RAB10: variants seen among roughly 807,000 people sequenced by gnomAD.
RAB10 encodes ras-related protein Rab-10.
Under a neutral mutation model 25.7 loss-of-function variants are expected in RAB10, and 5 were observed. The ratio of observed to expected loss-of-function variants is 0.19; its 90% CI spans 0.10 to 0.41. The LOEUF (loss-of-function observed/expected upper bound fraction) is 0.41, where lower values mean the gene tolerates loss of function less well. RAB10 is among the 10% of genes least tolerant of loss of function. RAB10 has a pLI of 1.00. For synonymous variants in RAB10, 89 were observed against 86.4 expected (o/e 1.03, Z -0.16); for missense variants, 103 against 245.8 (o/e 0.42, Z 3.89).
intron 1 of RAB10, among the ~76,000 whole-genome samples, chr2:26,090,896 C>T (rs1046409229): frequency 1.5e-4 from 22 of 150,318 alleles, no homozygotes; most frequent in African/African-American, 5.2e-4. Flanking sequence ...ATCATGCCAC[C>T]GCATTCAAGC....
At chr2:26,035,287 C>G (rs1336568778) in intron 1 of RAB10, among the ~76,000 whole-genome samples, 3 of 152,172 alleles carry the variant, frequency 2.0e-5, no homozygotes, top group Non-Finnish European at 4.4e-5. Flanking sequence ...GCTCTTCGCG[C>G]TTGGGGTGGG....
chr2:26,070,153 T>C (rs1666594751), intron 1 of RAB10, among the ~76,000 whole-genome samples: 1 of 152,278 alleles, frequency 6.6e-6, no homozygotes, highest in Admixed American at 6.5e-5. Flanking sequence ...CTTGAAATTA[T>C]GCGTCCTTGG....
At chr2:26,051,749 G>A (rs1234555851) in intron 1 of RAB10, among the ~76,000 whole-genome samples, 2 of 145,826 alleles carry the variant, frequency 1.4e-5, no homozygotes, top group African/African-American at 2.6e-5. Flanking sequence ...GCGAGACTCC[G>A]TCTCCAAAAA....
intron 1 of RAB10, among the ~76,000 whole-genome samples, chr2:26,095,144 TC>T (rs894012934): frequency 1.3e-5 from 2 of 152,178 alleles, no homozygotes; most frequent in African/African-American, 2.4e-5. Context: ...ATCAGAAACT[TC>T]CTTATGATCG....
At chr2:26,101,530 T>C (rs1176297564) in intron 2 of RAB10, 1 of 151,858 alleles carries the variant, frequency 6.6e-6, no homozygotes, top group East Asian at 1.9e-4. Flanking sequence ...CTGGTGGAGG[T>C]GTAGCAGTCA....
rs1286576055 is a variant in RAB10, at chr2:26,131,211, GAGA to G, written c.519+3268_519+3270del. Among the ~76,000 whole-genome samples, 8 of 152,126 alleles carry G rather than the reference GAGA, an allele frequency of 5.3e-5. No homozygotes were observed. In the East Asian group the frequency reaches 1.5e-3, roughly 29 times the overall value. On this transcript the variant is annotated intron_variant, in intron 5 of 5. Transcript: ENST00000264710. ...CTTTTGGCTTCCCTGGGCCACAGTG[GAGA>G]AGAAGAATTGTCTTGGACCACATAT...
At position 26,034,626 on chromosome 2, in the gene RAB10, C is replaced by T. The variant is rs1453791446; in HGVS notation, c.18C>T (p.Tyr6=). Residue 6 remains tyrosine, a synonymous_variant, in exon 1 of 6, where the codon TAC becomes TAT. Coordinates refer to ENST00000264710, the MANE Select transcript of RAB10 (RefSeq NM_016131.5). The part of the protein sequence containing the change: MAKKT[Y]DLLFKLLLIG... ...TCCTCCCAATGGCGAAGAAGACGTA[C>T]GACCTGCTTTTCAAGCTGCTCCTGA... 2 of 1,613,894 alleles carry T rather than the reference C, an allele frequency of 1.2e-6. No homozygotes were observed. Among genetic ancestry groups the T allele is most frequent in the Admixed American group, 1.7e-5 (1 of 60,036 alleles).
intron 1 of RAB10, among the ~76,000 whole-genome samples, chr2:26,084,072 C>T (rs1171774431): frequency 6.6e-6 from 1 of 152,186 alleles, no homozygotes; most frequent in Non-Finnish European, 1.5e-5. Flanking sequence ...GTTTCTTGAA[C>T]ATGCCAAACA....
At chr2:26,086,034 G>T (rs946579404) in intron 1 of RAB10, among the ~76,000 whole-genome samples, 4 of 142,274 alleles carry the variant, frequency 2.8e-5, no homozygotes, top group African/African-American at 1.0e-4. Context: ...GGGCAAAGGG[G>T]CCCGATGCGG....
At chr2:26,060,718 T>C (rs12469163) in intron 1 of RAB10, among the ~76,000 whole-genome samples, 117,231 of 152,144 alleles carry the variant, frequency 0.77, 45,212 homozygotes, top group East Asian at 0.87. Flanking sequence ...GAACCAGAAT[T>C]GCTAATCCAG....
At chr2:26,091,689 GTA>G (rs1667109965) in intron 1 of RAB10, among the ~76,000 whole-genome samples, 2 of 152,112 alleles carry the variant, frequency 1.3e-5, no homozygotes, top group African/African-American at 4.8e-5. Context: ...TCATCAGTGT[GTA>G]TGTGGAATTT....
chr2:26,051,554 A>G (rs1337910079), intron 1 of RAB10, among the ~76,000 whole-genome samples: 1 of 150,390 alleles, frequency 6.6e-6, no homozygotes, highest in Non-Finnish European at 1.5e-5. Context: ...GATCGAGACC[A>G]TCCTGACCAA....
intron 4 of RAB10, 111 bp from the exon 5 acceptor site, chr2:26,127,736 ATAT>A (rs1386959690): frequency 2.9e-6 from 2 of 694,554 alleles, no homozygotes; most frequent in Non-Finnish European, 5.0e-6. Context: ...TCTGTGTTAT[ATAT>A]TCTAGTTGGG....
intron 1 of RAB10, among the ~76,000 whole-genome samples, chr2:26,041,440 C>T (rs1665882733): frequency 6.7e-6 from 1 of 148,310 alleles, no homozygotes. Context: ...GCTTGGGAGG[C>T]TCTGAGGCAG....
intron 3 of RAB10, among the ~76,000 whole-genome samples, chr2:26,117,092 A>G (rs1667706030): frequency 6.6e-6 from 1 of 152,186 alleles, no homozygotes; most frequent in East Asian, 1.9e-4. Flanking sequence ...TAGTAGTATT[A>G]CTTGGCATAT....
chr2:26,094,516 T>A (rs1167629275), intron 1 of RAB10, among the ~76,000 whole-genome samples: 1 of 152,070 alleles, frequency 6.6e-6, no homozygotes, highest in Non-Finnish European at 1.5e-5. Flanking sequence ...CCTCTGAACG[T>A]GCTGGGATTA....
At chr2:26,033,288 G>T (rs1665665921), upstream of RAB10, among the ~76,000 whole-genome samples, 1 of 152,188 alleles carries the variant, frequency 6.6e-6, no homozygotes, top group Non-Finnish European at 1.5e-5. Context: ...CCGGATTCCT[G>T]AAGGACGGCA....
chr2:26,048,563 T>C (rs1295463249), intron 1 of RAB10, among the ~76,000 whole-genome samples: 1 of 152,234 alleles, frequency 6.6e-6, no homozygotes, highest in Non-Finnish European at 1.5e-5. Flanking sequence ...GTTTTTTAAC[T>C]GTTGAGTTTA....
intron 2 of RAB10, among the ~76,000 whole-genome samples, chr2:26,102,793 A>G (rs1159704410): frequency 6.6e-6 from 1 of 152,042 alleles, no homozygotes; most frequent in African/African-American, 2.4e-5. Flanking sequence ...GCTAAACACC[A>G]TTTTATTTTA....
Sources: allele counts gnomAD v4.1 joint callset (sites outside exome capture counted in the v4.1 genomes callset), GRCh38; gene constraint gnomAD v4.1.1; transcripts MANE v1.5; gene names NCBI Gene and HGNC (gene_info 2026-07-23, HGNC 2026-07-21).